MYO6: variants seen among roughly 807,000 people sequenced by gnomAD.
MYO6 encodes myosin VI, also known as unconventional myosin-VI.
In MYO6, 74 loss-of-function variants were observed where a neutral mutation model predicts 178.7. The observed-to-expected ratio is 0.41, with a 90% CI of 0.34 to 0.50. MYO6 has a LOEUF of 0.50. Ranked by LOEUF, MYO6 falls within the 20% of genes least tolerant of loss-of-function variation. The pLI is 0.09. For missense variants in MYO6, 1,330 were observed against 1,547.4 expected (o/e 0.86, Z 2.36); for synonymous variants, 477 against 504.6 (o/e 0.95, Z 0.73).
intron 1 of MYO6, among the ~76,000 whole-genome samples, chr6:75,804,885 C>G (rs1769853514): frequency 6.8e-6 from 1 of 147,954 alleles, no homozygotes; most frequent in Non-Finnish European, 1.5e-5. Context: ...TATATACACA[C>G]ACACACATAT....
intron 1 of MYO6, among the ~76,000 whole-genome samples, chr6:75,766,075 C>A (rs1379518688): frequency 6.6e-6 from 1 of 152,174 alleles, no homozygotes; most frequent in Non-Finnish European, 1.5e-5. Context: ...GTAATCCCAG[C>A]ACTTTTGAAG....
intron 15 of MYO6, 102 bp from the exon 16 acceptor site, chr6:75,862,494 G>GT (rs1347556056): frequency 2.8e-6 from 3 of 1,057,288 alleles, no homozygotes; most frequent in Non-Finnish European, 4.3e-6. Context: ...ATGCTATGTT[G>GT]TTTCTGATCA....
chr6:75,777,411 T>C (rs942473366), intron 1 of MYO6, among the ~76,000 whole-genome samples: 4 of 151,896 alleles, frequency 2.6e-5, no homozygotes, highest in African/African-American at 9.7e-5. Context: ...GATTTCTTTC[T>C]CTTTTTTTCT....
rs771253911 is a variant in MYO6 at position 75,830,442 on chromosome 6, A to C, written c.288A>C (p.Ala96=). The change falls in exon 5 of 35, where the codon GCA becomes GCC. Residue 96 remains alanine (A), a synonymous_variant. Coordinates refer to ENST00000369977, the MANE Select transcript of MYO6 (RefSeq NM_004999.4). ...IYTYVANILI[A]VNPYFDIPKI... ...CATATGTCGCCAACATTCTGATTGC[A>C]GTGAATCCATACTTTGACATACCTA... is the stretch of plus-strand genomic sequence containing the variant. The C allele has an allele frequency of 6.2e-7, 1 of 1,612,198 alleles. No homozygotes were observed. Among genetic ancestry groups the C allele is most frequent in the Non-Finnish European group, 8.5e-7 (1 of 1,178,446 alleles).
intron 1 of MYO6, among the ~76,000 whole-genome samples, chr6:75,755,341 C>T (rs1276951827): frequency 1.3e-5 from 2 of 152,068 alleles, no homozygotes; most frequent in Non-Finnish European, 2.9e-5. Context: ...CTCCACTTTC[C>T]CCCTATTGCT....
At chr6:75,841,928 A>T (rs1237628891) in intron 9 of MYO6, among the ~76,000 whole-genome samples, 1 of 152,184 alleles carries the variant, frequency 6.6e-6, no homozygotes, top group African/African-American at 2.4e-5. Context: ...GATAGATGTT[A>T]AACCCTACGT....
At chr6:75,896,215 A>AT (rs2149383102) in intron 29 of MYO6, among the ~76,000 whole-genome samples, 1 of 152,292 alleles carries the variant, frequency 6.6e-6, no homozygotes, top group Admixed American at 6.5e-5. Context: ...CCCAATAACA[A>AT]TTTTTTAATA....
Position 75,844,986 on chromosome 6 carries a change from G to C in MYO6, c.897+9G>C, listed in dbSNP as rs201218509. On this transcript the variant is annotated intron_variant, in intron 10 of 34. Transcript: ENST00000369977. The stretch of plus-strand genomic sequence containing the variant: ...ACCGCAAAAGTCCTGAGGTATAGTA[G>C]ACCATTGTTCATAAAATCTTTAACT... 5.0e-6 allele frequency: 8 copies of C among 1,598,986 alleles called. No homozygotes were observed. The highest frequency in any genetic ancestry group is 1.7e-4 in the Middle Eastern group (1 of 6,012).
chr6:75,787,726 CTCTCTA>C (rs1398582670), intron 1 of MYO6, among the ~76,000 whole-genome samples: 31 of 20,446 alleles, frequency 1.5e-3, no homozygotes, highest in South Asian at 5.5e-3. Flanking sequence ...CTCTCTCTCT[CTCTCTA>C]TATATATATA....
intron 16 of MYO6, among the ~76,000 whole-genome samples, chr6:75,864,514 A>G (rs3778006): frequency 6.6e-6 from 1 of 152,136 alleles, no homozygotes; most frequent in Admixed American, 6.5e-5. Context: ...TATATATCCA[A>G]TCCTATTCCT....
rs562242515 is a variant in MYO6 at position 75,782,569 on chromosome 6, A to C, written c.-48+33146A>C. Among the ~76,000 whole-genome samples the C allele has an allele frequency of 1.2e-4, 18 of 152,248 alleles. No individual in the cohort carries two copies. The East Asian group carries it at 3.5e-3, about 29-fold the overall frequency. On this transcript the variant is annotated intron_variant, in intron 1 of 34. Transcript: ENST00000369977. ...TTTCTTCCTTGCCTGCTATTCATTT[A>C]GTTTTCAGTGCTGAATGTCTTACCA... is the stretch of plus-strand genomic sequence containing the variant.
intron 1 of MYO6, among the ~76,000 whole-genome samples, chr6:75,793,103 T>G (rs1768412520): frequency 6.6e-6 from 1 of 152,158 alleles, no homozygotes; most frequent in Non-Finnish European, 1.5e-5. Context: ...TTTTAAAATT[T>G]CAGAGATCTC....
chr6:75,870,499 G>C lies in MYO6; in HGVS notation c.1945-148G>C, dbSNP rs1161450953. Reference sequence around the variant, plus strand: ...CATGATGCTGTCTGTTAAAGAATTTGTGTACCAGGAGGTTGTTAAACTGGA... The same window carrying C: ...CATGATGCTGTCTGTTAAAGAATTTCTGTACCAGGAGGTTGTTAAACTGGA... On this transcript the variant is annotated intron_variant, in intron 18 of 34. Transcript: ENST00000369977. 3.0e-5 allele frequency: 20 copies of C among 668,582 alleles called. No individual in the cohort carries two copies. In the East Asian group the frequency reaches 4.7e-4, roughly 16 times the overall value. The allele number at this position is 668,582 out of a possible 1,614,324, so 41.4% of individuals were successfully genotyped here.
intron 8 of MYO6, 72 bp from the exon 9 acceptor site, chr6:75,841,142 A>G: frequency 2.1e-6 from 3 of 1,427,458 alleles, no homozygotes; most frequent in Non-Finnish European, 2.9e-6. Flanking sequence ...AAGGTAAATA[A>G]TTTAACATTG....
intron 1 of MYO6, among the ~76,000 whole-genome samples, chr6:75,807,866 C>G (rs751936573): frequency 1.3e-4 from 20 of 152,152 alleles, no homozygotes; most frequent in Non-Finnish European, 2.5e-4. Flanking sequence ...CTGACCTCCT[C>G]TCTCATCCTG....
chr6:75,853,617 T>C (rs190346624), intron 11 of MYO6, among the ~76,000 whole-genome samples: 1 of 152,286 alleles, frequency 6.6e-6, no homozygotes, highest in African/African-American at 2.4e-5. Context: ...TGTCCCAACA[T>C]CTTATTATTG....
intron 34 of MYO6, 90 bp from the exon 35 acceptor site, chr6:75,914,722 TA>T: frequency 8.1e-7 from 1 of 1,228,488 alleles, no homozygotes; most frequent in Non-Finnish European, 1.2e-6. Flanking sequence ...TTTTCAAATC[TA>T]TGAGAATTAA....
chr6:75,759,842 G>A (rs1348641142), intron 1 of MYO6, among the ~76,000 whole-genome samples: 2 of 152,068 alleles, frequency 1.3e-5, no homozygotes, highest in Admixed American at 1.3e-4. Context: ...TTGATGATCC[G>A]TATAACCCAA....
intron 1 of MYO6, among the ~76,000 whole-genome samples, chr6:75,808,133 T>A (rs1770286510): frequency 6.6e-6 from 1 of 152,226 alleles, no homozygotes; most frequent in Non-Finnish European, 1.5e-5. Context: ...ACTCTTGTGG[T>A]AGGGGTGGTA....
Sources: gnomAD v4.1 joint callset for allele counts (sites outside exome capture counted in the v4.1 genomes callset) on GRCh38, gnomAD v4.1.1 for gene constraint, MANE v1.5 for transcripts, NCBI Gene and HGNC (gene_info 2026-07-23, HGNC 2026-07-21) for gene names.